SCUBE3: variants seen among roughly 807,000 people sequenced by gnomAD.
SCUBE3 encodes the protein signal peptide, CUB and EGF-like domain-containing protein 3.
A neutral mutation model predicts 116.8 loss-of-function variants in SCUBE3; 33 were observed. The ratio of observed to expected loss-of-function variants is 0.28; its 90% confidence interval spans 0.21 to 0.38. SCUBE3 has a LOEUF of 0.38. SCUBE3 is among the 10% of genes least tolerant of loss of function. SCUBE3 has a pLI of 1.00. For synonymous variants in SCUBE3, 418 were observed against 496.9 expected, an observed-to-expected ratio of 0.84 and a Z score of 2.11; for missense variants, 1,007 against 1,324.8, an observed-to-expected ratio of 0.76 and a Z score of 3.72.
At chr6:35,226,479 CCTTT>C in intron 1 of SCUBE3, among the ~76,000 whole-genome samples, 1 of 52,188 alleles carries the variant, frequency 1.9e-5, no homozygotes, top group African/African-American at 5.5e-5. Context: ...TTTTCTATGT[CCTTT>C]TTTTTTTTTT....
chr6:35,242,857 AAAGG>A, intron 14 of SCUBE3, 77 bp downstream of exon 14: 1 of 1,567,992 alleles, frequency 6.4e-7, no homozygotes, highest in Middle Eastern at 1.7e-4. Context: ...CTCAGCAGCA[AAAGG>A]AAGGGATGGA....
In SCUBE3 at chr6:35,245,158, A is replaced by T; in HGVS notation, c.2402-70A>T. 1 of 1,413,184 alleles carries T rather than the reference A, an allele frequency of 7.1e-7. No individual in the cohort carries two copies. The highest frequency in any genetic ancestry group is 1.0e-6 in the Non-Finnish European group (1 of 1,000,838). The allele number at this position is 1,413,184 out of a possible 1,614,324, so 87.5% of individuals were successfully genotyped here. A position where few individuals can be genotyped will look rare whatever the true frequency, so the allele number is the denominator to read the frequency against. On this transcript the variant is annotated intron_variant, in intron 18 of 21. Transcript: ENST00000274938. The surrounding 1 kb of genome is among the most constrained non-coding windows in gnomAD (Gnocchi z 4.2). ...CTGACCTCTACTTCAGAACTCTTCA[A>T]TTCCCCCAGCACACTTCCCCACTGA...
At position 35,240,848 on chromosome 6, in the gene SCUBE3, G is replaced by T. The variant is rs1286241017; in HGVS notation, c.1070-293G>T. Among the ~76,000 whole-genome samples the T allele has an allele frequency of 2.6e-5, 4 of 152,180 alleles. No individual in the cohort carries two copies. In the East Asian group the frequency reaches 7.7e-4, roughly 29 times the overall value. On this transcript the variant is annotated intron_variant, in intron 9 of 21. Coordinates refer to ENST00000274938, the MANE Select transcript of SCUBE3 (RefSeq NM_152753.4). The surrounding 1 kb of genome is among the most constrained non-coding windows in gnomAD (Gnocchi z 4.6). ...TTGGGGACAGAGATAATTGGAGGAGGTTTGAGCTCTTCTCAGGCCAGTAGT... is the reference window on the plus strand; with the variant it reads ...TTGGGGACAGAGATAATTGGAGGAGTTTTGAGCTCTTCTCAGGCCAGTAGT...
rs1783402119 is a variant in SCUBE3, at chr6:35,228,167, A to G, written c.209-447A>G. 6.6e-6 allele frequency among the ~76,000 whole-genome samples: 1 copy of G among 152,244 alleles called. No homozygotes were observed. The highest frequency in any genetic ancestry group is 6.5e-5 in the Admixed American group (1 of 15,290). Reference sequence around the variant, plus strand: ...TGAGCTTCAGTGTTGGTGAGACTTTAGTGGACAGGGTACACTTGTTAATTC... The same window carrying G: ...TGAGCTTCAGTGTTGGTGAGACTTTGGTGGACAGGGTACACTTGTTAATTC... On this transcript the variant is annotated intron_variant, in intron 2 of 21. Transcript: ENST00000274938. This position sits in a 1 kb window ranked among gnomAD's most constrained non-coding sequence, Gnocchi z 4.9.
At chr6:35,218,639 A>G (rs9469961) in intron 1 of SCUBE3, among the ~76,000 whole-genome samples, 1 of 152,144 alleles carries the variant, frequency 6.6e-6, no homozygotes, top group Non-Finnish European at 1.5e-5. Flanking sequence ...GGCTCAGAAG[A>G]CTGGAGTCTG....
Position 35,232,952 on chromosome 6 carries a change from C to T in SCUBE3, c.572C>T (p.Thr191Ile). Residue 191 changes from threonine (T) to isoleucine (I), a missense_variant, in exon 5 of 22, where the codon ACC (threonine) becomes ATC (isoleucine). Thr to Ile is a moderately conservative substitution (Grantham distance 89). Around this residue, in one of 5 missense-constraint regions of SCUBE3, gnomAD observed 214 missense variants for 316.7 expected, o/e 0.68. Transcript: ENST00000274938. This position sits in a 1 kb window ranked among gnomAD's most constrained non-coding sequence, Gnocchi z 4.2. ...GAATGCCGTCCTGGCTTTGAGCTTA[C>T]CAAGAACCAACGGGACTGTAAATGT... ...ACECRPGFELTKNQRDCKLTC... is the reference protein window; with the variant it reads ...ACECRPGFELIKNQRDCKLTC... 6.2e-7 allele frequency: 1 copy of T among 1,614,132 alleles called. No individual in the cohort carries two copies. The highest frequency in any genetic ancestry group is 8.5e-7 in the Non-Finnish European group (1 of 1,180,024).
rs370798881 is a variant in SCUBE3 at position 35,245,325 on chromosome 6, C to T, written c.2499C>T (p.Asn833=). The T allele has an allele frequency of 6.8e-6, 11 of 1,614,026 alleles. No individual in the cohort carries two copies. The African/African-American group carries it at 1.3e-4, about 20-fold the overall frequency. ...CAGCTGGTGTGGAGTGCATCTGGAACATCAACCCCCCACCCAAGCGCAAGA... is the reference window on the plus strand; with the variant it reads ...CAGCTGGTGTGGAGTGCATCTGGAATATCAACCCCCCACCCAAGCGCAAGA... ...NYPAGVECIW[N]INPPPKRKIL... The change falls in exon 19 of 22, where the codon AAC becomes AAT. Residue 833 remains asparagine (N), a synonymous_variant. Coordinates refer to ENST00000274938, the MANE Select transcript of SCUBE3 (RefSeq NM_152753.4). This position sits in a 1 kb window ranked among gnomAD's most constrained non-coding sequence, Gnocchi z 4.2.
In SCUBE3 at chr6:35,252,002, C is replaced by T. The variant is rs577712975; in HGVS notation, c.*3297C>T. 11 of 152,124 alleles carry T rather than the reference C, an allele frequency of 7.2e-5. No individual in the cohort carries two copies. The highest frequency in any genetic ancestry group is 3.9e-4 in the Admixed American group (6 of 15,278). The allele number at this position is 152,124 out of a possible 1,614,324, so 9.4% of individuals were successfully genotyped here. ...TCTCTGCAGCGTGTAGGGTGTGGGG[C>T]GACAGTATTGTGGGGCTTCCATTCA... On this transcript the variant is annotated 3_prime_UTR_variant, in exon 22 of 22. Transcript: ENST00000274938.
chr6:35,239,788 A>T lies in SCUBE3; in HGVS notation c.866A>T (p.Asp289Val), dbSNP rs763215186. 3 of 1,611,948 alleles carry T rather than the reference A, an allele frequency of 1.9e-6. No individual in the cohort carries two copies. In the South Asian group the frequency reaches 3.3e-5, roughly 18 times the overall value. ...TGCCGCTTAAACAACGGGGGCTGTGACCATATTTGCCGCAACACAGTGGGC... is the reference window on the plus strand; with the variant it reads ...TGCCGCTTAAACAACGGGGGCTGTGTCCATATTTGCCGCAACACAGTGGGC... ...DECRLNNGGC[D>V]HICRNTVGSF... The change falls in exon 8 of 22, where the codon GAC becomes GTC. Residue 289 changes from aspartate to valine, a missense_variant. Physicochemically the swap from Asp to Val is radical, Grantham distance 152 (BLOSUM62 -3). This residue lies in a region of SCUBE3 where 214 missense variants were observed against 316.7 expected (regional missense o/e 0.68). Transcript: ENST00000274938. This position sits in a 1 kb window ranked among gnomAD's most constrained non-coding sequence, Gnocchi z 4.1.
At position 35,243,187 on chromosome 6, in the gene SCUBE3, G is replaced by T. The variant is rs771412276; in HGVS notation, c.1860G>T (p.Glu620Asp). 6.2e-7 allele frequency: 1 copy of T among 1,614,214 alleles called. No homozygotes were observed. The highest frequency in any genetic ancestry group is 8.5e-7 in the Non-Finnish European group (1 of 1,180,034). Residue 620 changes from glutamate (E) to aspartate (D), a missense_variant, in exon 15 of 22, where the codon GAG becomes GAT. Coordinates refer to ENST00000274938, the MANE Select transcript of SCUBE3 (RefSeq NM_152753.4). This position sits in a 1 kb window ranked among gnomAD's most constrained non-coding sequence, Gnocchi z 6.6. ...KPGLVAGERAEPMESCRPGQH... is the reference protein window; with the variant it reads ...KPGLVAGERADPMESCRPGQH... ...GCCTGGTAGCCGGGGAGCGAGCAGA[G>T]CCGATGGAGTCCTGTAGGCCCGGGC...
intron 1 of SCUBE3, among the ~76,000 whole-genome samples, chr6:35,215,305 C>T (rs1447398800): frequency 6.6e-6 from 1 of 152,090 alleles, no homozygotes; most frequent in African/African-American, 2.4e-5. Context: ...GGCCTCCCGC[C>T]CCCGTCCCTG....
rs1783723082 is a variant in SCUBE3 at position 35,235,347 on chromosome 6, G to A, written c.712+2046G>A. On this transcript the variant is annotated intron_variant, in intron 6 of 21. Transcript: ENST00000274938. This position sits in a 1 kb window ranked among gnomAD's most constrained non-coding sequence, Gnocchi z 4.5. ...TCATCATTTGGGGCTACTGGTTTGG[G>A]CTGGCAGTGGGGAGGAGAGGGTGGG... is the stretch of plus-strand genomic sequence containing the variant. 3 of 479,640 alleles carry A rather than the reference G, an allele frequency of 6.3e-6. No individual in the cohort carries two copies. The highest frequency in any genetic ancestry group is 1.2e-5 in the Non-Finnish European group (3 of 252,812). 29.7% of individuals were successfully genotyped at this position (479,640 alleles called of 1,614,324 possible). A position where few individuals can be genotyped will look rare whatever the true frequency, so the allele number is the denominator to read the frequency against.
In SCUBE3 at chr6:35,233,470, G is replaced by C. The variant is rs1285898043; in HGVS notation, c.712+169G>C. ...CAGGTCTAGTAAGGGACAACTCAAA[G>C]AGAGACTGAAGGGCTCCCCAGCCCT... On this transcript the variant is annotated intron_variant, in intron 6 of 21. Coordinates refer to ENST00000274938, the MANE Select transcript of SCUBE3 (RefSeq NM_152753.4). The surrounding 1 kb of genome is among the most constrained non-coding windows in gnomAD (Gnocchi z 5.7). Among the ~76,000 whole-genome samples the C allele has an allele frequency of 6.6e-6, 1 of 152,118 alleles. No homozygotes were observed. Among genetic ancestry groups the C allele is most frequent in the Non-Finnish European group, 1.5e-5 (1 of 68,008 alleles).
chr6:35,231,874 T>C lies in SCUBE3; in HGVS notation c.469+15T>C. On this transcript the variant is annotated intron_variant, in intron 4 of 21. Transcript: ENST00000274938. The surrounding 1 kb of genome is among the most constrained non-coding windows in gnomAD (Gnocchi z 4.2). ...GCGGCCAGAAGGTCAGCCCATGACC[T>C]GGGATGGCCCCATCCCTGCCCTCCC... is the stretch of plus-strand genomic sequence containing the variant. 1 of 1,598,232 alleles carries C rather than the reference T, an allele frequency of 6.3e-7. No individual in the cohort carries two copies. Among genetic ancestry groups the C allele is most frequent in the Non-Finnish European group, 8.6e-7 (1 of 1,168,118 alleles).
At position 35,214,595 on chromosome 6, in the gene SCUBE3, G is replaced by T; in HGVS notation, c.85+92G>T. The T allele has an allele frequency of 1.3e-6, 1 of 780,372 alleles. No individual in the cohort carries two copies. Among genetic ancestry groups the T allele is most frequent in the Middle Eastern group, 4.0e-4 (1 of 2,512 alleles). The allele number at this position is 780,372 out of a possible 1,614,324, so 48.3% of individuals were successfully genotyped here. A position where few individuals can be genotyped will look rare whatever the true frequency, so the allele number is the denominator to read the frequency against. ...TTCCCGAGGGGCAGGGCAGGTGCTG[G>T]GGAGCGTGCTGCTGTCAGAACCCGG... On this transcript the variant is annotated intron_variant, in intron 1 of 21. Coordinates refer to ENST00000274938, the MANE Select transcript of SCUBE3 (RefSeq NM_152753.4). The surrounding 1 kb of genome is among the most constrained non-coding windows in gnomAD (Gnocchi z 6.3).
chr6:35,233,323 C>A lies in SCUBE3; in HGVS notation c.712+22C>A. The A allele has an allele frequency of 2.2e-6, 3 of 1,390,530 alleles. No individual in the cohort carries two copies. The highest frequency in any genetic ancestry group is 3.1e-6 in the Non-Finnish European group (3 of 977,180). 86.1% of individuals were successfully genotyped at this position (1,390,530 alleles called of 1,614,324 possible). ...ATCGGTGGGTGAGGCCAGGGGAGAA[C>A]TCAGTCCACCTGAGATGGGGTGGGG... On this transcript the variant is annotated intron_variant, in intron 6 of 21. Coordinates refer to ENST00000274938, the MANE Select transcript of SCUBE3 (RefSeq NM_152753.4). The surrounding 1 kb of genome is among the most constrained non-coding windows in gnomAD (Gnocchi z 5.7).
chr6:35,237,883 C>G lies in SCUBE3; in HGVS notation c.713-19C>G. ...AGGCTTGTAACCTCATTACCATCCC[C>G]CACTTCCCTCCTAAACAGAGACCTG... On this transcript the variant is annotated intron_variant, in intron 6 of 21. Transcript: ENST00000274938. 1 of 1,508,100 alleles carries G rather than the reference C, an allele frequency of 6.6e-7. No individual in the cohort carries two copies. The highest frequency in any genetic ancestry group is 9.2e-7 in the Non-Finnish European group (1 of 1,086,402). 93.4% of individuals were successfully genotyped at this position (1,508,100 alleles called of 1,614,324 possible).
At chr6:35,234,846 C>A (rs1023530236) in intron 6 of SCUBE3, among the ~76,000 whole-genome samples, 1 of 152,218 alleles carries the variant, frequency 6.6e-6, no homozygotes, top group Non-Finnish European at 1.5e-5. Context: ...AACTCAAGAC[C>A]TGTTCCACCA....
chr6:35,239,987 T>C lies in SCUBE3; in HGVS notation c.952+113T>C. 1.1e-6 allele frequency: 1 copy of C among 918,474 alleles called. No homozygotes were observed. Among genetic ancestry groups the C allele is most frequent in the African/African-American group, 1.7e-5 (1 of 58,496 alleles). 56.9% of individuals were successfully genotyped at this position (918,474 alleles called of 1,614,324 possible). ...CTCAATAGATATCACACAGAGTCTCTAGAGGCAGTGTCATCCTGCAAATTA... is the reference window on the plus strand; with the variant it reads ...CTCAATAGATATCACACAGAGTCTCCAGAGGCAGTGTCATCCTGCAAATTA... On this transcript the variant is annotated intron_variant, in intron 8 of 21. Transcript: ENST00000274938. This position sits in a 1 kb window ranked among gnomAD's most constrained non-coding sequence, Gnocchi z 4.1.
Sources: allele counts gnomAD v4.1 joint callset (sites outside exome capture counted in the v4.1 genomes callset), GRCh38; gene constraint gnomAD v4.1.1; regional missense constraint gnomAD v4.1.1; non-coding constraint Gnocchi (gnomAD v3.1); transcripts MANE v1.5; gene names NCBI Gene and HGNC (gene_info 2026-07-23, HGNC 2026-07-21).